Variants in ROBO2 observed in about 807,000 individuals in gnomAD.
ROBO2 encodes roundabout guidance receptor 2.
Under a neutral mutation model 160.8 loss-of-function variants are expected in ROBO2, and 53 were observed. The observed-to-expected ratio is 0.33, with a 90% CI of 0.26 to 0.41. The LOEUF is 0.41. Among genes scored for constraint, ROBO2 ranks in the 10% least tolerant of loss-of-function variants. The pLI is 1.00. For synonymous variants in ROBO2, 664 were observed against 611.7 expected (o/e 1.09, Z -1.26); for missense variants, 1,577 against 1,722.4 (o/e 0.92, Z 1.49).
At chr3:77,037,903 C>T (rs1040941056), upstream of ROBO2, among the ~76,000 whole-genome samples, 4 of 151,912 alleles carry the variant, frequency 2.6e-5, no homozygotes, top group Admixed American at 6.6e-5. Context: ...GACTATTTTC[C>T]GAATATCTTA....
chr3:77,012,285 G>A (rs1157891095), intron 2 of ROBO2, among the ~76,000 whole-genome samples: 2 of 152,146 alleles, frequency 1.3e-5, no homozygotes, highest in Admixed American at 6.6e-5. Context: ...GAGAAGACAA[G>A]CACCAAATAA....
At chr3:76,772,217 G>T (rs1401239303) in intron 2 of ROBO2, among the ~76,000 whole-genome samples, 1 of 150,938 alleles carries the variant, frequency 6.6e-6, no homozygotes, top group Non-Finnish European at 1.5e-5. Context: ...TATTTTTAAG[G>T]GTTTCTTGTA....
intron 2 of ROBO2, among the ~76,000 whole-genome samples, chr3:75,967,114 TTTC>T (rs998458027): frequency 7.2e-5 from 11 of 151,734 alleles, no homozygotes; most frequent in African/African-American, 2.7e-4. Context: ...TGTGCTGATT[TTTC>T]TTTTAAGGAG....
chr3:77,617,868 G>A, intron 22 of ROBO2, 95 bp downstream of exon 23: 1 of 1,318,120 alleles, frequency 7.6e-7, no homozygotes, highest in Non-Finnish European at 1.1e-6. Flanking sequence ...GAACTACACA[G>A]CTAGGGTTAA....
chr3:76,359,599 C>T (rs1026543346), intron 2 of ROBO2, among the ~76,000 whole-genome samples: 12 of 152,018 alleles, frequency 7.9e-5, no homozygotes, highest in African/African-American at 2.9e-4. Flanking sequence ...ACATATTTCT[C>T]AGGCTTGGAT....
intron 1 of ROBO2, among the ~76,000 whole-genome samples, chr3:77,041,090 A>G (rs1320998168): frequency 6.6e-6 from 1 of 152,246 alleles, no homozygotes; most frequent in African/African-American, 2.4e-5. Context: ...TTCACTAATT[A>G]AGGAGTTGGA....
chr3:76,434,001 C>T (rs1361137492), intron 2 of ROBO2: 1 of 963,844 alleles, frequency 1.0e-6, no homozygotes, highest in Non-Finnish European at 1.7e-6. Context: ...TGAGTCAGAA[C>T]TCTGAGGTGG....
chr3:76,633,735 C>T (rs776380092), intron 2 of ROBO2, among the ~76,000 whole-genome samples: 9 of 152,148 alleles, frequency 5.9e-5, no homozygotes, highest in South Asian at 2.1e-4. Context: ...AATTCTATGA[C>T]GTAGATACAA....
intron 2 of ROBO2, among the ~76,000 whole-genome samples, chr3:76,025,291 G>A (rs1334896927): frequency 1.3e-5 from 2 of 151,550 alleles, no homozygotes; most frequent in African/African-American, 4.8e-5. Context: ...ACAAAGTCTT[G>A]GGAATTAGAG....
At chr3:76,912,711 ATAATT>A (rs1277145893) in intron 2 of ROBO2, among the ~76,000 whole-genome samples, 2 of 152,220 alleles carry the variant, frequency 1.3e-5, no homozygotes, top group African/African-American at 4.8e-5. Context: ...TCATAAGAGA[ATAATT>A]TATAGATAAA....
chr3:76,797,033 A>C (rs1293929628), intron 2 of ROBO2, among the ~76,000 whole-genome samples: 2 of 152,158 alleles, frequency 1.3e-5, no homozygotes, highest in African/African-American at 4.8e-5. Flanking sequence ...AGAAGTGGAC[A>C]GATCATCCAG....
intron 2 of ROBO2, among the ~76,000 whole-genome samples, chr3:76,130,548 C>T (rs1442505111): frequency 1.3e-5 from 2 of 151,994 alleles, no homozygotes; most frequent in African/African-American, 4.8e-5. Flanking sequence ...GATGCCATGC[C>T]AGATATCATA....
At chr3:77,403,998 G>A (rs2076048515) in intron 2 of ROBO2, among the ~76,000 whole-genome samples, 1 of 151,986 alleles carries the variant, frequency 6.6e-6, no homozygotes, top group Non-Finnish European at 1.5e-5. Context: ...TAAAACACTA[G>A]CACCAGCATC....
At chr3:77,064,980 G>T (rs2066696681) in intron 1 of ROBO2, among the ~76,000 whole-genome samples, 2 of 152,122 alleles carry the variant, frequency 1.3e-5, no homozygotes, top group African/African-American at 4.8e-5. Flanking sequence ...GATCAGAATT[G>T]CATGACTTCC....
intron 2 of ROBO2, among the ~76,000 whole-genome samples, chr3:77,313,221 G>T (rs1477550764): frequency 6.6e-6 from 1 of 151,966 alleles, no homozygotes; most frequent in Non-Finnish European, 1.5e-5. Flanking sequence ...AAAGTTCAGT[G>T]GTTTTTCCAT....
At chr3:77,504,887 T>A (rs1039929039) in intron 5 of ROBO2, among the ~76,000 whole-genome samples, 1 of 152,170 alleles carries the variant, frequency 6.6e-6, no homozygotes, top group Admixed American at 6.5e-5. Context: ...TATTCCTATA[T>A]GAAACTAGAG....
At chr3:76,463,623 T>G (rs992160881) in intron 2 of ROBO2, among the ~76,000 whole-genome samples, 1 of 152,166 alleles carries the variant, frequency 6.6e-6, no homozygotes, top group Non-Finnish European at 1.5e-5. Flanking sequence ...CTGGCTCATT[T>G]ATAGTTACCA....
At chr3:77,381,648 C>G in intron 2 of ROBO2, among the ~76,000 whole-genome samples, 1 of 152,244 alleles carries the variant, frequency 6.6e-6, no homozygotes, top group East Asian at 1.9e-4. Context: ...TAGATAATCA[C>G]AAGTTTAGAT....
chr3:76,825,993 ATT>A (rs899930615), intron 2 of ROBO2, among the ~76,000 whole-genome samples: 1 of 145,258 alleles, frequency 6.9e-6, no homozygotes, highest in Admixed American at 6.9e-5. Flanking sequence ...TGTTGACGAG[ATT>A]TTTTTTTTTT....
Sources: allele counts gnomAD v4.1 joint callset (sites outside exome capture counted in the v4.1 genomes callset), GRCh38; gene constraint gnomAD v4.1.1; transcripts MANE v1.5; gene names NCBI Gene and HGNC (gene_info 2026-07-23, HGNC 2026-07-21).